FHIP2B: variants seen among roughly 807,000 people sequenced by gnomAD.
FHIP2B encodes the protein FHF complex subunit HOOK interacting protein 2B.
A neutral mutation model predicts 84.0 loss-of-function variants in FHIP2B; 72 were observed. The ratio of observed to expected loss-of-function variants is 0.86; its 90% CI spans 0.71 to 1.04. The LOEUF (loss-of-function observed/expected upper bound fraction) is 1.04. FHIP2B is among the 50% of genes least tolerant of loss of function. FHIP2B has a pLI of 0.00. For synonymous variants in FHIP2B, 497 were observed against 418.7 expected, an observed-to-expected ratio of 1.19 and a Z score of -2.28; for missense variants, 972 against 968.9, an observed-to-expected ratio of 1.00 and a Z score of -0.04.
Position 22,098,418 on chromosome 8 carries a change from C to G in FHIP2B, c.769-5C>G. 2 of 1,589,252 alleles carry G rather than the reference C, an allele frequency of 1.3e-6. No individual in the cohort carries two copies. The highest frequency in any genetic ancestry group is 2.7e-5 in the African/African-American group (2 of 74,402). ...TGTCCCTGAAGTTGTATCCTCATCC[C>G]CTAGAAGAGTCGGGTGGCCTTGAAG... is the stretch of plus-strand genomic sequence containing the variant. On this transcript the variant is annotated splice_region_variant and splice_polypyrimidine_tract_variant and intron_variant, in intron 6 of 16. Coordinates refer to ENST00000289921, the MANE Select transcript of FHIP2B (RefSeq NM_022749.7).
Position 22,102,511 on chromosome 8 carries a change from T to G in FHIP2B, c.1993-17T>G, listed in dbSNP as rs1326177750. On this transcript the variant is annotated splice_polypyrimidine_tract_variant and intron_variant, in intron 15 of 16. Transcript: ENST00000289921. ...TGTTGCTGGCCCCATCTGAGTCCCC[T>G]GTGATTCCCGCTGTAGGTGATCGGG... The G allele has an allele frequency of 6.4e-7, 1 of 1,552,608 alleles. No homozygotes were observed. The highest frequency in any genetic ancestry group is 8.7e-7 in the Non-Finnish European group (1 of 1,148,050).
intron 1 of FHIP2B, among the ~76,000 whole-genome samples, chr8:22,093,746 T>G (rs1825622015): frequency 9.2e-6 from 1 of 109,088 alleles, no homozygotes; most frequent in Non-Finnish European, 1.7e-5. Context: ...AGATAGGGTC[T>G]CACCTTGTCA....
rs374147568 is a variant in FHIP2B, at chr8:22,097,525, G to A, written c.307G>A (p.Gly103Ser). Residue 103 changes from glycine to serine, a missense_variant, in exon 4 of 17, where the codon GGC becomes AGC. By Grantham distance (56) the Gly-to-Ser change is moderately conservative. Transcript: ENST00000289921. ...CTGTCCCTGGCCTCAGTACCCCCCA[G>A]GCATGCGGCAGCAGGTGTTCCAGTT... The part of the protein sequence containing the change: ...CTLGKAEYPP[G>S]MRQQVFQFFS... The A allele has an allele frequency of 3.4e-5, 55 of 1,605,582 alleles. No homozygotes were observed. The highest frequency in any genetic ancestry group is 6.8e-6 in the Non-Finnish European group (8 of 1,176,920).
intron 14 of FHIP2B, 149 bp from the exon 15 acceptor site, chr8:22,102,026 C>T (rs1826148055): frequency 1.3e-6 from 2 of 1,527,602 alleles, no homozygotes; most frequent in Non-Finnish European, 1.8e-6. Context: ...ACGTTCTGGC[C>T]CTCAGCCCCA....
rs1218389149 is a variant in FHIP2B, at chr8:22,098,439, T to C, written c.785T>C (p.Leu262Ser). The change falls in exon 7 of 17, where the codon TTG becomes TCG. Residue 262 changes from leucine (L) to serine (S), a missense_variant. Coordinates refer to ENST00000289921, the MANE Select transcript of FHIP2B (RefSeq NM_022749.7). ...LCQSKKSRVA[L>S]KAQENLLLLV... Reference sequence around the variant, plus strand: ...ATCCCCTAGAAGAGTCGGGTGGCCTTGAAGGCCCAGGAGAACCTGCTGCTC... The same window carrying C: ...ATCCCCTAGAAGAGTCGGGTGGCCTCGAAGGCCCAGGAGAACCTGCTGCTC... 6.3e-7 allele frequency: 1 copy of C among 1,598,240 alleles called. No homozygotes were observed. The highest frequency in any genetic ancestry group is 1.3e-5 in the African/African-American group (1 of 74,430).
chr8:22,101,430 T>C lies in FHIP2B; in HGVS notation c.1617-10T>C. 6.2e-7 allele frequency: 1 copy of C among 1,602,700 alleles called. No individual in the cohort carries two copies. Among genetic ancestry groups the C allele is most frequent in the South Asian group, 1.1e-5 (1 of 89,172 alleles). On this transcript the variant is annotated splice_polypyrimidine_tract_variant and intron_variant, in intron 12 of 16. Transcript: ENST00000289921. ...CCGGGAGCGCCTCCACACCGGCTTC[T>C]ATCTCTCAGTTTCCTGTGCCTGGTC...
intron 9 of FHIP2B, 84 bp from the exon 10 acceptor site, chr8:22,099,620 G>T: frequency 7.0e-7 from 1 of 1,430,768 alleles, no homozygotes. Flanking sequence ...CCAAACATGC[G>T]AGGCAAGCAG....
intron 5 of FHIP2B, 95 bp from the exon 6 acceptor site, chr8:22,097,973 G>T (rs1825872900): frequency 6.5e-7 from 1 of 1,531,374 alleles, no homozygotes; most frequent in Admixed American, 2.0e-5. Context: ...CCAGCTCCAG[G>T]CCGACGCCCT....
At position 22,097,816 on chromosome 8, in the gene FHIP2B, G is replaced by A; in HGVS notation, c.502G>A (p.Glu168Lys). 4 of 1,613,500 alleles carry A rather than the reference G, an allele frequency of 2.5e-6. No homozygotes were observed. The highest frequency in any genetic ancestry group is 3.4e-6 in the Non-Finnish European group (4 of 1,179,794). ...CTGCTCCAAGATCCAGCAGGACCCA[G>A]AGCTGCTCGCCTACATCCTGGAAGT... ...VLCSKIQQDP[E>K]LLAYILEGKK... is the part of the protein sequence containing the mutation. Residue 168 changes from glutamate (E) to lysine (K), a missense_variant, in exon 5 of 17, where the codon GAG becomes AAG. Transcript: ENST00000289921.
At chr8:22,101,928 G>T (rs1586347394) in intron 14 of FHIP2B, 77 bp downstream of exon 14, 2 of 1,554,508 alleles carry the variant, frequency 1.3e-6, no homozygotes, top group East Asian at 4.7e-5. Flanking sequence ...TTGGCCACAG[G>T]GTTGCCTCTG....
chr8:22,094,435 C>A lies in FHIP2B; in HGVS notation c.46-5C>A. The A allele has an allele frequency of 6.2e-7, 1 of 1,601,228 alleles. No individual in the cohort carries two copies. Among genetic ancestry groups the A allele is most frequent in the Non-Finnish European group, 8.5e-7 (1 of 1,174,980 alleles). On this transcript the variant is annotated splice_polypyrimidine_tract_variant and splice_region_variant and intron_variant, in intron 1 of 16. Transcript: ENST00000289921. ...CCACTGAGGTTGTGTGTCTGCCCTC[C>A]GCAGCGCGAGCCCAGCATTGACCTG...
In FHIP2B at chr8:22,097,721, TC is replaced by T; in HGVS notation, c.409del (p.Leu137SerfsTer44). 1 of 1,612,838 alleles carries T rather than the reference TC, an allele frequency of 6.2e-7. No individual in the cohort carries two copies. Among genetic ancestry groups the T allele is most frequent in the Non-Finnish European group, 8.5e-7 (1 of 1,179,660 alleles). On this transcript the variant is annotated frameshift_variant, in exon 5 of 17. Transcript: ENST00000289921. LOFTEE classifies it high-confidence loss of function. ...YLSVHRPVQK[L>X]LRLGGTASGS... ...TCTGTCCTGGTGCTCTTCCAGAAAC[TC>T]CTCCGACTTGGTGGGACTGCTTCCG...
At chr8:22,096,237 C>T (rs990867243) in intron 2 of FHIP2B, 100 bp from the exon 3 acceptor site, 49 of 1,220,950 alleles carry the variant, frequency 4.0e-5, no homozygotes, top group African/African-American at 2.6e-4. Flanking sequence ...CTCTCCCAGA[C>T]AGGACCTCCC....
chr8:22,099,186 A>G, intron 8 of FHIP2B, 98 bp from the exon 9 acceptor site: 4 of 1,526,448 alleles, frequency 2.6e-6, no homozygotes, highest in Non-Finnish European at 3.6e-6. Context: ...GCGGGCCGGG[A>G]CCCTCTCCTG....
chr8:22,089,751 G>A, intron 1 of FHIP2B: 1 of 1,266,232 alleles, frequency 7.9e-7, no homozygotes, highest in Non-Finnish European at 1.0e-6. Context: ...CCCTCGGTCT[G>A]ATCTCCCAGA....
chr8:22,095,025 C>G (rs376941731), intron 2 of FHIP2B: 1 of 411,686 alleles, frequency 2.4e-6, no homozygotes, highest in Admixed American at 6.3e-5. Context: ...CCCAAAGAGC[C>G]AAAGCCTTGG....
intron 2 of FHIP2B, chr8:22,095,677 C>T (rs1021574177): frequency 3.3e-5 from 5 of 152,260 alleles, no homozygotes; most frequent in African/African-American, 9.6e-5. Flanking sequence ...ACTCAAGCTC[C>T]TGTTCCTTAA....
At chr8:22,090,670 G>A (rs1335891836) in intron 1 of FHIP2B, among the ~76,000 whole-genome samples, 1 of 152,018 alleles carries the variant, frequency 6.6e-6, no homozygotes, top group Non-Finnish European at 1.5e-5. Flanking sequence ...CTGAGCCCAG[G>A]CTAGACTACA....
At position 22,089,237 on chromosome 8, in the gene FHIP2B, G is replaced by T; in HGVS notation, c.-17G>T. On this transcript the variant is annotated 5_prime_UTR_variant, in exon 1 of 17. Coordinates refer to ENST00000289921, the MANE Select transcript of FHIP2B (RefSeq NM_022749.7). ...CCGCCGCCGCTTTCGCCCGGGAGCC[G>T]GGGGCCGGGCGCCATCATGCTGAGC... 9.5e-7 allele frequency: 1 copy of T among 1,056,742 alleles called. No homozygotes were observed. The highest frequency in any genetic ancestry group is 1.1e-6 in the Non-Finnish European group (1 of 877,136). 65.5% of individuals were successfully genotyped at this position (1,056,742 alleles called of 1,614,324 possible). A position where few individuals can be genotyped will look rare whatever the true frequency, so the allele number is the denominator to read the frequency against.
Sources: gnomAD v4.1 joint callset for allele counts (sites outside exome capture counted in the v4.1 genomes callset) on GRCh38, gnomAD v4.1.1 for gene constraint, MANE v1.5 for transcripts, NCBI Gene and HGNC (gene_info 2026-07-23, HGNC 2026-07-21) for gene names.